ABLIM2: variants seen among roughly 807,000 people sequenced by gnomAD.
ABLIM2 encodes the protein actin binding LIM protein family member 2, also known as actin-binding LIM protein 2.
A neutral mutation model predicts 97.7 loss-of-function variants in ABLIM2; 53 were observed. That is an observed-to-expected ratio of 0.54 (90% CI 0.44 to 0.68). The LOEUF is 0.68. Ranked by LOEUF, ABLIM2 falls within the 30% of genes least tolerant of loss-of-function variation. The pLI, the probability that ABLIM2 is intolerant of heterozygous loss-of-function variation, is 0.00. For synonymous variants in ABLIM2, 361 were observed against 345.8 expected, an observed-to-expected ratio of 1.04 and a Z score of -0.49; for missense variants, 835 against 867.2, an observed-to-expected ratio of 0.96 and a Z score of 0.47.
chr4:7,979,103 C>T (rs1412543876), intron 20 of ABLIM2, among the ~76,000 whole-genome samples: 4 of 152,228 alleles, frequency 2.6e-5, no homozygotes, highest in South Asian at 2.1e-4. Flanking sequence ...TGCTGCCTGG[C>T]GTCCTCCTAC....
intron 2 of ABLIM2, among the ~76,000 whole-genome samples, chr4:8,102,865 G>T (rs77249865): frequency 6.6e-6 from 1 of 152,242 alleles, no homozygotes; most frequent in African/African-American, 2.4e-5. Flanking sequence ...CCTCTTTGCC[G>T]GTGGGGGTGA....
In ABLIM2 at chr4:8,032,708, T is replaced by A. The variant is rs1175215970; in HGVS notation, c.1048-2932A>T. On this transcript the variant is annotated intron_variant, in intron 10 of 20. Coordinates refer to ENST00000447017, the MANE Select transcript of ABLIM2 (RefSeq NM_001130083.2). This position sits in a 1 kb window ranked among gnomAD's most constrained non-coding sequence, Gnocchi z 4.3. ...GTGGACACAACACACAAAGTGGCCA[T>A]TAGTGCTGGCGCCAGGCAGAGAGGG... 6.2e-7 allele frequency: 1 copy of A among 1,612,034 alleles called. No individual in the cohort carries two copies.
chr4:8,020,845 T>C (rs1013974523), intron 12 of ABLIM2: 1 of 138,888 alleles, frequency 7.2e-6, no homozygotes, highest in Non-Finnish European at 1.5e-5. Context: ...ATTACCACAT[T>C]CTTTTTTTTT....
Position 8,127,419 on chromosome 4 carries a change from C to A in ABLIM2, c.11-20782G>T. 9 of 1,165,260 alleles carry A rather than the reference C, an allele frequency of 7.7e-6. No individual in the cohort carries two copies. The highest frequency in any genetic ancestry group is 1.0e-5 in the Non-Finnish European group (9 of 891,540). 72.2% of individuals were successfully genotyped at this position (1,165,260 alleles called of 1,614,324 possible). A position where few individuals can be genotyped will look rare whatever the true frequency, so the allele number is the denominator to read the frequency against. Reference sequence around the variant, plus strand: ...ACGCAGGGCACAACTTGACTGGACCCGTCCTTTCCCACCAGACCCCTGAAG... The same window carrying A: ...ACGCAGGGCACAACTTGACTGGACCAGTCCTTTCCCACCAGACCCCTGAAG... On this transcript the variant is annotated intron_variant, in intron 1 of 20. Coordinates refer to ENST00000447017, the MANE Select transcript of ABLIM2 (RefSeq NM_001130083.2). The surrounding 1 kb of genome is among the most constrained non-coding windows in gnomAD (Gnocchi z 7.3).
intron 14 of ABLIM2, among the ~76,000 whole-genome samples, chr4:8,009,968 C>G (rs1027173862): frequency 6.6e-6 from 1 of 152,208 alleles, no homozygotes; most frequent in Non-Finnish European, 1.5e-5. Flanking sequence ...CCCTGTCTGC[C>G]ACACCTGGCT....
rs1778240789 is a variant in ABLIM2 at position 8,027,639 on chromosome 4, G to A, written c.1267+120C>T. 19 of 693,818 alleles carry A rather than the reference G, an allele frequency of 2.7e-5. No homozygotes were observed. In the East Asian group the frequency reaches 6.4e-4, roughly 23 times the overall value. The allele number at this position is 693,818 out of a possible 1,614,324, so 43.0% of individuals were successfully genotyped here. A position where few individuals can be genotyped will look rare whatever the true frequency, so the allele number is the denominator to read the frequency against. On this transcript the variant is annotated intron_variant, in intron 12 of 20. Transcript: ENST00000447017. Reference sequence around the variant, plus strand: ...GACACACAAGACACACACAGAGAGGGGCACAGGGCATGAAACAGGGGCTCC... The same window carrying A: ...GACACACAAGACACACACAGAGAGGAGCACAGGGCATGAAACAGGGGCTCC...
chr4:8,158,764 G>C lies in ABLIM2; in HGVS notation c.-75C>G. 1 of 1,273,708 alleles carries C rather than the reference G, an allele frequency of 7.9e-7. No individual in the cohort carries two copies. The allele number at this position is 1,273,708 out of a possible 1,614,324, so 78.9% of individuals were successfully genotyped here. A position where few individuals can be genotyped will look rare whatever the true frequency, so the allele number is the denominator to read the frequency against. ...CCTCGGGCCCGCAGGTGCCGCGCCC[G>C]CGCTATCCTCCGCCCGCCCGCCGGC... On this transcript the variant is annotated 5_prime_UTR_variant, in exon 1 of 21. Coordinates refer to ENST00000447017, the MANE Select transcript of ABLIM2 (RefSeq NM_001130083.2).
chr4:8,097,455 A>G, intron 2 of ABLIM2, among the ~76,000 whole-genome samples, 173 bp from the exon 3 acceptor site: 1 of 152,210 alleles, frequency 6.6e-6, no homozygotes, highest in East Asian at 1.9e-4. Context: ...CTCCTGGGAC[A>G]GACTCCAGCT....
intron 2 of ABLIM2, among the ~76,000 whole-genome samples, chr4:8,099,306 G>A (rs1379583106): frequency 6.6e-6 from 1 of 152,230 alleles, no homozygotes; most frequent in Non-Finnish European, 1.5e-5. Flanking sequence ...GATGGTGACT[G>A]GGCTCACAGC....
rs762628169 is a variant in ABLIM2, at chr4:8,158,776, G to C, written c.-87C>G. 5.8e-3 allele frequency: 7,009 copies of C among 1,198,554 alleles called. 34 individuals carry two copies. Among genetic ancestry groups the C allele is most frequent in the Non-Finnish European group, 6.6e-3 (6,303 of 952,818 alleles). 74.2% of individuals were successfully genotyped at this position (1,198,554 alleles called of 1,614,324 possible). On this transcript the variant is annotated 5_prime_UTR_variant, in exon 1 of 21. Coordinates refer to ENST00000447017, the MANE Select transcript of ABLIM2 (RefSeq NM_001130083.2). ...AGGTGCCGCGCCCGCGCTATCCTCC[G>C]CCCGCCCGCCGGCTCCGCGCCCGCT...
chr4:8,146,653 C>T (rs143651257), intron 1 of ABLIM2, among the ~76,000 whole-genome samples: 5,633 of 152,200 alleles, frequency 0.037, 306 homozygotes, highest in African/African-American at 0.13. Flanking sequence ...GATCCTCCTG[C>T]CTCAGCCTCC....
chr4:8,157,901 G>T (rs989199522), intron 1 of ABLIM2, among the ~76,000 whole-genome samples: 7 of 152,386 alleles, frequency 4.6e-5, no homozygotes, highest in Non-Finnish European at 7.3e-5. Flanking sequence ...AGCCCGGTGC[G>T]GGCCCCAGGA....
At chr4:7,973,545 A>C (rs1730029838) in intron 20 of ABLIM2, among the ~76,000 whole-genome samples, 1 of 151,728 alleles carries the variant, frequency 6.6e-6, no homozygotes, top group African/African-American at 2.4e-5. Flanking sequence ...AGGTGTCTGG[A>C]CCTGAGCCGG....
Position 8,003,561 on chromosome 4 carries a change from CTTTTTT to C in ABLIM2, c.1618+4492_1618+4497del, listed in dbSNP as rs796877068. On this transcript the variant is annotated intron_variant, in intron 16 of 20. Transcript: ENST00000447017. This position sits in a 1 kb window ranked among gnomAD's most constrained non-coding sequence, Gnocchi z 4.2. ...ACCACTACGCTCTTCTTCCAGTTTT[CTTTTTT>C]TTTTTTTTTTTTTTTGGAGATGGAG... 8.0e-4 allele frequency among the ~76,000 whole-genome samples: 96 copies of C among 120,186 alleles called. No individual in the cohort carries two copies. Among genetic ancestry groups the C allele is most frequent in the African/African-American group, 2.7e-3 (90 of 33,080 alleles). 78.8% of individuals were successfully genotyped at this position (120,186 alleles called of 152,430 possible). A position where few individuals can be genotyped will look rare whatever the true frequency, so the allele number is the denominator to read the frequency against.
chr4:8,062,492 T>G (rs900676955), intron 6 of ABLIM2, among the ~76,000 whole-genome samples: 3 of 150,630 alleles, frequency 2.0e-5, no homozygotes, highest in Non-Finnish European at 4.4e-5. Context: ...CTGGATGGAG[T>G]GCAGTGGCGC....
chr4:8,037,426 G>A lies in ABLIM2; in HGVS notation c.901-1131C>T, dbSNP rs1053269865. ...GAGAACATGCCTGTCTGAGACTGTG[G>A]AGGTATAGACCCCCCTCACATCCTG... is the stretch of plus-strand genomic sequence containing the variant. On this transcript the variant is annotated intron_variant, in intron 9 of 20. Coordinates refer to ENST00000447017, the MANE Select transcript of ABLIM2 (RefSeq NM_001130083.2). Among the ~76,000 whole-genome samples, 3 of 151,722 alleles carry A rather than the reference G, an allele frequency of 2.0e-5. No individual in the cohort carries two copies. In the East Asian group the frequency reaches 5.8e-4, roughly 29 times the overall value.
rs11734190 is a variant in ABLIM2 at position 8,147,743 on chromosome 4, G to A, written c.10+10937C>T. ...GGAGCTGCCAGCGCCGTTTAGCCTC[G>A]GACACTGACATTGAACTGCTGGCCT... is the stretch of plus-strand genomic sequence containing the variant. On this transcript the variant is annotated intron_variant, in intron 1 of 20. Coordinates refer to ENST00000447017, the MANE Select transcript of ABLIM2 (RefSeq NM_001130083.2). The surrounding 1 kb of genome is among the most constrained non-coding windows in gnomAD (Gnocchi z 5.3). 0.045 allele frequency among the ~76,000 whole-genome samples: 6,800 copies of A among 152,204 alleles called. 241 individuals are homozygous for A. The highest frequency in any genetic ancestry group is 0.066 in the Non-Finnish European group (4,519 of 67,986).
chr4:8,119,644 A>T (rs1844387115), intron 1 of ABLIM2, among the ~76,000 whole-genome samples: 1 of 152,006 alleles, frequency 6.6e-6, no homozygotes, highest in African/African-American at 2.4e-5. Context: ...CTTCTTACTA[A>T]ACAATCTTAA....
In ABLIM2 at chr4:8,125,627, G is replaced by A. The variant is rs1447344057; in HGVS notation, c.11-18990C>T. 6.6e-6 allele frequency among the ~76,000 whole-genome samples: 1 copy of A among 152,322 alleles called. No homozygotes were observed. Among genetic ancestry groups the A allele is most frequent in the Admixed American group, 6.5e-5 (1 of 15,302 alleles). ...GGCTGCTTCTGGGATGGTCGTGGTT[G>A]GCTCTGCCATCAGTGTGACGGTCCG... On this transcript the variant is annotated intron_variant, in intron 1 of 20. Transcript: ENST00000447017. The surrounding 1 kb of genome is among the most constrained non-coding windows in gnomAD (Gnocchi z 6.2).
Sources: allele counts gnomAD v4.1 joint callset (sites outside exome capture counted in the v4.1 genomes callset), GRCh38; gene constraint gnomAD v4.1.1; non-coding constraint Gnocchi (gnomAD v3.1); transcripts MANE v1.5; gene names NCBI Gene and HGNC (gene_info 2026-07-23, HGNC 2026-07-21).